Variants in NBPF11 observed in about 807,000 individuals in gnomAD.
NBPF11 encodes NBPF member 11.
A neutral mutation model predicts 93.9 loss-of-function variants in NBPF11; 72 were observed. That is an observed-to-expected ratio of 0.77 (90% CI 0.63 to 0.93). The LOEUF is 0.93. Ranked by LOEUF, NBPF11 falls within the 40% of genes least tolerant of loss-of-function variation. NBPF11 has a pLI of 0.00. For missense variants in NBPF11, 705 were observed against 802.2 expected, an observed-to-expected ratio of 0.88 and a Z score of 1.46; for synonymous variants, 224 against 304.9, an observed-to-expected ratio of 0.73 and a Z score of 2.76.
At chr1:148,115,230 A>G (rs1666220798) in intron 14 of NBPF11, among the ~76,000 whole-genome samples, 1 of 147,016 alleles carries the variant, frequency 6.8e-6, no homozygotes, top group Non-Finnish European at 1.5e-5. Flanking sequence ...GAAACATTGG[A>G]TCAGCCATTG....
At chr1:148,120,064 C>A (rs1442979807) in intron 10 of NBPF11, among the ~76,000 whole-genome samples, 1 of 151,402 alleles carries the variant, frequency 6.6e-6, no homozygotes, top group Non-Finnish European at 1.5e-5. Flanking sequence ...CCAAGTTTCC[C>A]TCAGAGTCAC....
chr1:148,146,577 C>G (rs1275384604), intron 1 of NBPF11: 1 of 1,607,336 alleles, frequency 6.2e-7, no homozygotes, highest in Non-Finnish European at 8.5e-7. Context: ...CCTCCTCGGG[C>G]GCACCCGGGC....
chr1:148,114,797 TG>T (rs1230052752), intron 14 of NBPF11, among the ~76,000 whole-genome samples: 1 of 147,622 alleles, frequency 6.8e-6, no homozygotes, highest in Non-Finnish European at 1.5e-5. Context: ...TTTCTAAGAG[TG>T]TTGCTGCAAT....
chr1:148,147,076 T>C (rs1673265697), intron 1 of NBPF11, among the ~76,000 whole-genome samples: 1 of 152,118 alleles, frequency 6.6e-6, no homozygotes, highest in Non-Finnish European at 1.5e-5. Context: ...ACAGGCGAGC[T>C]TGGGTGTGCA....
chr1:148,120,226 C>T (rs1667508564), intron 10 of NBPF11, among the ~76,000 whole-genome samples: 1 of 152,040 alleles, frequency 6.6e-6, no homozygotes, highest in South Asian at 2.1e-4. Flanking sequence ...GATTGAGCCT[C>T]TTGGAGAAAA....
chr1:148,120,798 C>G, intron 9 of NBPF11, 88 bp from the exon 10 acceptor site: 2 of 971,964 alleles, frequency 2.1e-6, no homozygotes, highest in South Asian at 1.3e-5. Context: ...TCACTGGTAG[C>G]CTTGTTTACT....
intron 4 of NBPF11, among the ~76,000 whole-genome samples, chr1:148,131,947 C>CA (rs1272638724): frequency 4.4e-5 from 5 of 112,634 alleles, no homozygotes; most frequent in Non-Finnish European, 8.9e-5. Context: ...TAATTTTAGC[C>CA]ATTCTTATGG....
At chr1:148,113,380 T>C (rs1483062179) in intron 15 of NBPF11, among the ~76,000 whole-genome samples, 1,886 of 151,764 alleles carry the variant, frequency 0.012, 48 homozygotes, top group African/African-American at 0.044. Context: ...AGAAGGCCAC[T>C]ACATAATGGT....
intron 1 of NBPF11, among the ~76,000 whole-genome samples, chr1:148,151,368 C>T (rs1648271548): frequency 6.6e-6 from 1 of 151,988 alleles, no homozygotes. Context: ...AAGTCAGGGG[C>T]GCGAGCGCTC....
intron 1 of NBPF11, chr1:148,149,643 C>T: frequency 7.5e-7 from 1 of 1,327,370 alleles, no homozygotes; most frequent in Non-Finnish European, 1.0e-6. Flanking sequence ...CACCCAGGGG[C>T]TGCATGTGGA....
chr1:148,150,593 A>G (rs2149319703), intron 1 of NBPF11, among the ~76,000 whole-genome samples: 3 of 152,098 alleles, frequency 2.0e-5, no homozygotes, highest in Admixed American at 2.0e-4. Flanking sequence ...AATGCATAAC[A>G]GCTCAGAACA....
chr1:148,125,696 T>C (rs1668954616), intron 5 of NBPF11, among the ~76,000 whole-genome samples: 1 of 152,028 alleles, frequency 6.6e-6, no homozygotes, highest in African/African-American at 2.4e-5. Flanking sequence ...ACTGTGCCAA[T>C]TAATGTTCAA....
At chr1:148,124,449 C>T (rs1209439419) in intron 6 of NBPF11, among the ~76,000 whole-genome samples, 1 of 148,322 alleles carries the variant, frequency 6.7e-6, no homozygotes, top group South Asian at 2.2e-4. Context: ...AGAAATGAGG[C>T]CAGGTGCAGA....
chr1:148,123,158 C>T (rs1223856532), intron 7 of NBPF11, among the ~76,000 whole-genome samples: 2 of 152,002 alleles, frequency 1.3e-5, no homozygotes, highest in Non-Finnish European at 2.9e-5. Flanking sequence ...GCATTTCAAA[C>T]CTCATTCATT....
intron 9 of NBPF11, among the ~76,000 whole-genome samples, chr1:148,121,005 A>G (rs1400792508): frequency 6.6e-5 from 10 of 152,120 alleles, no homozygotes; most frequent in African/African-American, 2.4e-4. Flanking sequence ...TGTGTAGCAC[A>G]AAAGATTTCA....
chr1:148,143,431 C>G lies in NBPF11; in HGVS notation c.-293G>C. 1 of 922,280 alleles carries G rather than the reference C, an allele frequency of 1.1e-6. No individual in the cohort carries two copies. Among genetic ancestry groups the G allele is most frequent in the East Asian group, 6.5e-5 (1 of 15,436 alleles). The allele number at this position is 922,280 out of a possible 1,614,324, so 57.1% of individuals were successfully genotyped here. Reference sequence around the variant, plus strand: ...GATTTTTACCTGTTGGATCTGGCAGCTCTTCATGTCGGCCCACACCATGTG... The same window carrying G: ...GATTTTTACCTGTTGGATCTGGCAGGTCTTCATGTCGGCCCACACCATGTG... On this transcript the variant is annotated 5_prime_UTR_variant, in exon 2 of 24. Coordinates refer to ENST00000682118, the MANE Select transcript of NBPF11 (RefSeq NM_001385469.3).
Position 148,131,176 on chromosome 1 carries a change from AG to A in NBPF11, c.-35-4139del, listed in dbSNP as rs1309862845. Among the ~76,000 whole-genome samples, 1,145 of 149,886 alleles carry A rather than the reference AG, an allele frequency of 7.6e-3. 15 individuals carry two copies. Among genetic ancestry groups the A allele is most frequent in the East Asian group, 0.075 (382 of 5,100 alleles). On this transcript the variant is annotated intron_variant, in intron 4 of 23. Coordinates refer to ENST00000682118, the MANE Select transcript of NBPF11 (RefSeq NM_001385469.3). ...TATTAAGAGGAAAAAAAAAAAAAAA[AG>A]AAGCCAGTGCCCTTATACAAAGGCT...
At chr1:148,132,421 T>G (rs1670558430) in intron 4 of NBPF11, among the ~76,000 whole-genome samples, 2 of 149,848 alleles carry the variant, frequency 1.3e-5, no homozygotes, top group African/African-American at 4.9e-5. Context: ...TGGAAATAGG[T>G]AGTGAATTCA....
rs1662920194 is a variant in NBPF11 at position 148,103,999 on chromosome 1, G to C, written c.2582-87C>G. On this transcript the variant is annotated intron_variant, in intron 23 of 23. Coordinates refer to ENST00000682118, the MANE Select transcript of NBPF11 (RefSeq NM_001385469.3). ...TAGATTTCAGAAGTAACATAAGGAA[G>C]TGGTTGGAAAAGAAAAAGGACAGAT... 1.2e-5 allele frequency: 20 copies of C among 1,608,696 alleles called. No individual in the cohort carries two copies. In the South Asian group the frequency reaches 2.0e-4, roughly 16 times the overall value.
Sources: gnomAD v4.1 joint callset for allele counts (sites outside exome capture counted in the v4.1 genomes callset) on GRCh38, gnomAD v4.1.1 for gene constraint, MANE v1.5 for transcripts, NCBI Gene and HGNC (gene_info 2026-07-23, HGNC 2026-07-21) for gene names.